Variants in MS4A8 observed in about 807,000 individuals in gnomAD.
MS4A8 encodes the protein membrane spanning 4-domains A8.
A neutral mutation model predicts 23.7 loss-of-function variants in MS4A8; 27 were observed. The ratio of observed to expected loss-of-function variants is 1.14; its 90% confidence interval spans 0.84 to 1.57. The LOEUF is 1.57. Among genes scored for constraint, MS4A8 ranks in the 40% most tolerant of loss-of-function variants. MS4A8 has a pLI of 0.00. For synonymous variants in MS4A8, 138 were observed against 126.3 expected (o/e 1.09, Z -0.62); for missense variants, 301 against 311.4 (o/e 0.97, Z 0.25).
chr11:60,714,175 C>T (rs2088322893), intron 5 of MS4A8, among the ~76,000 whole-genome samples: 1 of 147,352 alleles, frequency 6.8e-6, no homozygotes, highest in Admixed American at 6.6e-5. Context: ...CCACCCGCCT[C>T]GGCCTCCCAA....
intron 5 of MS4A8, chr11:60,712,342 A>C: frequency 1.0e-6 from 1 of 985,306 alleles, no homozygotes. Flanking sequence ...TGTGCCTCTC[A>C]GGATGCATTT....
chr11:60,700,798 G>C, intron 1 of MS4A8, 62 bp from the exon 2 acceptor site: 2 of 1,557,134 alleles, frequency 1.3e-6, no homozygotes, highest in South Asian at 2.2e-5. Context: ...AGAAGCAAAA[G>C]TCCTTTTTAA....
In MS4A8 at chr11:60,703,287, A is replaced by T. The variant is rs1028017402; in HGVS notation, c.220-91A>T. The T allele has an allele frequency of 7.3e-6, 10 of 1,376,018 alleles. No homozygotes were observed. In the African/African-American group the frequency reaches 1.4e-4, roughly 19 times the overall value. The allele number at this position is 1,376,018 out of a possible 1,614,324, so 85.2% of individuals were successfully genotyped here. ...CCATATTACTTTTTAGACCATGAAAATAAAACATTTATTAAAATTAAAAGG... is the reference window on the plus strand; with the variant it reads ...CCATATTACTTTTTAGACCATGAAATTAAAACATTTATTAAAATTAAAAGG... On this transcript the variant is annotated intron_variant, in intron 2 of 6. Coordinates refer to ENST00000300226, the MANE Select transcript of MS4A8 (RefSeq NM_031457.2).
At position 60,700,923 on chromosome 11, in the gene MS4A8, T is replaced by C; in HGVS notation, c.63T>C (p.Asn21=). 5.6e-6 allele frequency: 9 copies of C among 1,614,214 alleles called. No homozygotes were observed. Among genetic ancestry groups the C allele is most frequent in the Non-Finnish European group, 7.6e-6 (9 of 1,180,024 alleles). Residue 21 remains asparagine, a synonymous_variant, in exon 2 of 7, where the codon AAT becomes AAC. Coordinates refer to ENST00000300226, the MANE Select transcript of MS4A8 (RefSeq NM_031457.2). ...ANSVLVVAPH[N]GYPVTPGIMS... ...CTGTGTTGGTGGTGGCACCCCACAA[T>C]GGTTATCCTGTGACCCCAGGAATTA...
At chr11:60,712,725 C>T (rs2088310266) in intron 5 of MS4A8, among the ~76,000 whole-genome samples, 1 of 151,522 alleles carries the variant, frequency 6.6e-6, no homozygotes, top group African/African-American at 2.4e-5. Flanking sequence ...ACCCAGGAGG[C>T]GGAGCTCACA....
chr11:60,703,583 T>C, intron 3 of MS4A8, 83 bp downstream of exon 3: 1 of 1,516,788 alleles, frequency 6.6e-7, no homozygotes. Flanking sequence ...TGTGCAGCTG[T>C]GCCCTGCAGA....
At chr11:60,709,667 C>T (rs534821790) in intron 5 of MS4A8, among the ~76,000 whole-genome samples, 28 of 152,198 alleles carry the variant, frequency 1.8e-4, no homozygotes, top group Non-Finnish European at 1.3e-4. Context: ...CTGTGTCCCA[C>T]GTAAATTCAA....
In MS4A8 at chr11:60,712,432, G is replaced by A. The variant is rs540710679; in HGVS notation, c.535-2589G>A. 6.1e-6 allele frequency: 6 copies of A among 985,306 alleles called. No individual in the cohort carries two copies. The Admixed American group carries it at 3.1e-4, about 50-fold the overall frequency. 61.0% of individuals were successfully genotyped at this position (985,306 alleles called of 1,614,324 possible). A position where few individuals can be genotyped will look rare whatever the true frequency, so the allele number is the denominator to read the frequency against. On this transcript the variant is annotated intron_variant, in intron 5 of 6. Coordinates refer to ENST00000300226, the MANE Select transcript of MS4A8 (RefSeq NM_031457.2). ...AGGAGAAGAAAAGGGGCTAAGGAGA[G>A]GCCTCTCCAGAAGAGAGAATTCTCC...
At chr11:60,714,606 A>G (rs1327156017) in intron 5 of MS4A8, among the ~76,000 whole-genome samples, 1 of 151,546 alleles carries the variant, frequency 6.6e-6, no homozygotes, top group African/African-American at 2.4e-5. Flanking sequence ...CCCCCTTCCC[A>G]CCATGGCGCT....
In MS4A8 at chr11:60,700,983, G is replaced by C. The variant is rs148869742; in HGVS notation, c.123G>C (p.Pro41=). 1.1e-4 allele frequency: 182 copies of C among 1,614,190 alleles called. 1 individual carries two copies. The highest frequency in any genetic ancestry group is 1.5e-4 in the Non-Finnish European group (177 of 1,180,042). ...TGCCCCTGTATCCAAACAGCCAGCC[G>C]CAAGTCCACCTAGTTCCTGGGAACC... ...SHVPLYPNSQ[P]QVHLVPGNPP... is the part of the protein sequence containing the mutation. Residue 41 remains proline, a synonymous_variant, in exon 2 of 7, where the codon CCG becomes CCC. Transcript: ENST00000300226.
In MS4A8 at chr11:60,715,358, C is replaced by T. The variant is rs1369574290; in HGVS notation, c.697C>T (p.Pro233Ser). ...NIYAANPVIT[P>S]EPVTSPPSYS... ...CTATGCAGCAAACCCAGTGATCACC[C>T]CAGAACCGGTGACCTCACCACCAAG... Residue 233 changes from proline to serine, a missense_variant, in exon 7 of 7, where the codon CCA becomes TCA. By Grantham distance (74) the Pro-to-Ser change is moderately conservative. Transcript: ENST00000300226. The T allele has an allele frequency of 1.2e-6, 2 of 1,614,036 alleles. No individual in the cohort carries two copies. Among genetic ancestry groups the T allele is most frequent in the Non-Finnish European group, 1.7e-6 (2 of 1,180,006 alleles).
At chr11:60,704,506 A>T (rs1225882317) in intron 3 of MS4A8, among the ~76,000 whole-genome samples, 2 of 152,160 alleles carry the variant, frequency 1.3e-5, no homozygotes, top group African/African-American at 4.8e-5. Context: ...TGTTGGACAT[A>T]GGCCCACAAG....
intron 5 of MS4A8, 90 bp downstream of exon 5, chr11:60,708,871 T>C (rs938759048): frequency 2.0e-6 from 3 of 1,483,364 alleles, no homozygotes; most frequent in Non-Finnish European, 2.8e-6. Flanking sequence ...CCAAGCTACC[T>C]CACTGAACAT....
Position 60,715,514 on chromosome 11 carries a change from G to A in MS4A8, c.*100G>A. On this transcript the variant is annotated 3_prime_UTR_variant, in exon 7 of 7. Transcript: ENST00000300226. ...GGTCGTTCCTGTTCTGACAGCTGAG[G>A]AAACGTCTCTCCCACTGTTTGTACT... The A allele has an allele frequency of 1.2e-6, 1 of 817,604 alleles. No individual in the cohort carries two copies. The allele number at this position is 817,604 out of a possible 1,614,324, so 50.6% of individuals were successfully genotyped here.
intron 2 of MS4A8, 85 bp from the exon 3 acceptor site, chr11:60,703,293 C>CATTAAATTTAAATTTA: frequency 7.2e-7 from 1 of 1,385,530 alleles, no homozygotes; most frequent in Non-Finnish European, 9.5e-7. Context: ...GAAAATAAAA[C>CATTAAATTTAAATTTA]ATTTATTAAA....
chr11:60,714,880 T>C (rs1427504069), intron 5 of MS4A8, 141 bp from the exon 6 acceptor site: 4 of 646,446 alleles, frequency 6.2e-6, no homozygotes, highest in African/African-American at 3.6e-5. Context: ...AAAAACCCGG[T>C]GGGAAATTTC....
At chr11:60,707,970 C>T (rs1424691794) in intron 4 of MS4A8, among the ~76,000 whole-genome samples, 1 of 151,902 alleles carries the variant, frequency 6.6e-6, no homozygotes, top group East Asian at 1.9e-4. Flanking sequence ...GCTGGGATTA[C>T]AGGTGCACAC....
intron 5 of MS4A8, among the ~76,000 whole-genome samples, chr11:60,713,934 T>G (rs1344239122): frequency 7.3e-6 from 1 of 137,340 alleles, no homozygotes; most frequent in Non-Finnish European, 1.5e-5. Flanking sequence ...TTTTTTTTTT[T>G]TGAGACGGAG....
At chr11:60,700,311 C>T (rs761560301) in intron 1 of MS4A8, among the ~76,000 whole-genome samples, 22 of 152,144 alleles carry the variant, frequency 1.4e-4, no homozygotes, top group Non-Finnish European at 3.1e-4. Context: ...TTTGGGAGGC[C>T]GAGGCAAGCG....
Sources: allele counts gnomAD v4.1 joint callset (sites outside exome capture counted in the v4.1 genomes callset), GRCh38; gene constraint gnomAD v4.1.1; transcripts MANE v1.5; gene names NCBI Gene and HGNC (gene_info 2026-07-23, HGNC 2026-07-21).